Variants in FAM133A observed in about 807,000 individuals in gnomAD.
FAM133A encodes the protein protein FAM133A.
For synonymous variants in FAM133A, 65 were observed against 58.6 expected (o/e 1.11, Z -0.50); for missense variants, 159 against 164.4 (o/e 0.97, Z 0.18).
intron 2 of FAM133A, among the ~76,000 whole-genome samples, chrX:93,679,603 A>G (rs1182507184): frequency 9.0e-6 from 1 of 111,373 alleles, no homozygotes; most frequent in Non-Finnish European, 1.9e-5. Flanking sequence ...ATTTTGCCAT[A>G]TAACATGAAG....
chrX:93,690,095 G>A (rs1215497102), intron 2 of FAM133A, among the ~76,000 whole-genome samples: 2 of 110,554 alleles, frequency 1.8e-5, no homozygotes, highest in African/African-American at 6.6e-5. Context: ...GGTGTAAAGA[G>A]TGTTAGTATA....
At chrX:93,675,644 T>A (rs2147569383) in intron 2 of FAM133A, among the ~76,000 whole-genome samples, 1 of 111,604 alleles carries the variant, frequency 9.0e-6, no homozygotes, top group South Asian at 3.7e-4. Flanking sequence ...ATTATGAAAT[T>A]ATTATTGTAT....
intron 2 of FAM133A, among the ~76,000 whole-genome samples, chrX:93,681,170 A>G (rs1276023548): frequency 9.0e-6 from 1 of 111,028 alleles, no homozygotes; most frequent in Admixed American, 9.7e-5. Flanking sequence ...TTTACTATAA[A>G]GGAAGAAAAA....
chrX:93,685,691 C>T (rs763091690), intron 2 of FAM133A, among the ~76,000 whole-genome samples: 20 of 111,986 alleles, frequency 1.8e-4, no homozygotes, highest in Middle Eastern at 9.3e-3. Context: ...CACTGTCTTA[C>T]GTTCCAACCA....
intron 2 of FAM133A, among the ~76,000 whole-genome samples, chrX:93,688,173 A>T (rs1925663278): frequency 9.3e-6 from 1 of 107,618 alleles, no homozygotes; most frequent in Admixed American, 1.0e-4. Flanking sequence ...GCGGAGGGAT[A>T]TACACCAGGC....
Position 93,698,459 on chromosome X carries a change from T to A in FAM133A, c.-130T>A, listed in dbSNP as rs1460189917. On this transcript the variant is annotated 5_prime_UTR_variant, in exon 3 of 4. Transcript: ENST00000683942. ...GAAAAGGTGAGAGGAAAACCTAGAG[T>A]GTGTGTTATCCTGCAAGCCAATTGA... 1 of 110,496 alleles carries A rather than the reference T, an allele frequency of 9.1e-6. No homozygotes were observed. Among genetic ancestry groups the A allele is most frequent in the East Asian group, 2.9e-4 (1 of 3,490 alleles). 9.1% of individuals were successfully genotyped at this position (110,496 alleles called of 1,213,427 possible).
chrX:93,701,880 C>T (rs923378058), intron 3 of FAM133A, among the ~76,000 whole-genome samples: 1 of 110,914 alleles, frequency 9.0e-6, no homozygotes, highest in African/African-American at 3.3e-5. Flanking sequence ...CTCTGAGGGC[C>T]TTTACGCTTT....
chrX:93,689,621 C>T (rs2147612931), intron 2 of FAM133A, among the ~76,000 whole-genome samples: 1 of 109,166 alleles, frequency 9.2e-6, no homozygotes, highest in East Asian at 2.9e-4. Context: ...GTAGTGTACT[C>T]CATGGTTATT....
At chrX:93,690,708 A>T (rs748121622) in intron 2 of FAM133A, among the ~76,000 whole-genome samples, 8 of 111,837 alleles carry the variant, frequency 7.2e-5, no homozygotes, top group Non-Finnish European at 1.3e-4. Flanking sequence ...TTGTGTAGAC[A>T]AATGTTTTTG....
intron 2 of FAM133A, among the ~76,000 whole-genome samples, chrX:93,696,111 C>T (rs1926246821): frequency 9.0e-6 from 1 of 111,695 alleles, no homozygotes; most frequent in Non-Finnish European, 1.9e-5. Context: ...GAATTGGTAA[C>T]AGTCTAACCA....
At chrX:93,693,171 A>C in intron 2 of FAM133A, among the ~76,000 whole-genome samples, 1 of 111,563 alleles carries the variant, frequency 9.0e-6, no homozygotes, top group South Asian at 3.8e-4. Context: ...GGTCTTTCTG[A>C]CAAACTAATG....
intron 2 of FAM133A, among the ~76,000 whole-genome samples, chrX:93,676,809 TA>T (rs1924734858): frequency 9.0e-6 from 1 of 110,939 alleles, no homozygotes; most frequent in Non-Finnish European, 1.9e-5. Flanking sequence ...AATTTGGAAT[TA>T]TTTTTTCCAG....
At chrX:93,708,561 G>A (rs1471095670) in intron 3 of FAM133A, among the ~76,000 whole-genome samples, 10 of 111,677 alleles carry the variant, frequency 9.0e-5, no homozygotes. Context: ...GTTACTTCAT[G>A]TTCAAATTTT....
intron 2 of FAM133A, among the ~76,000 whole-genome samples, chrX:93,692,827 T>A (rs1602816335): frequency 8.9e-6 from 1 of 111,758 alleles, no homozygotes; most frequent in South Asian, 3.7e-4. Context: ...GTTGTCAGCA[T>A]TTCCTAGCAC....
rs778405212 is a variant in FAM133A, at chrX:93,710,118, T to C, written c.699T>C (p.His233=). Residue 233 remains histidine, a synonymous_variant, in exon 4 of 4, where the codon CAT becomes CAC. Coordinates refer to ENST00000683942, the MANE Select transcript of FAM133A (RefSeq NM_001171109.2). ...KKKKKKQHKK[H]SKKKKKKSGS... is the part of the protein sequence containing the mutation. ...AGAAGAAGAAACAGCACAAGAAACA[T>C]AGTAAGAAGAAGAAAAAGAAGTCTG... 1.4e-5 allele frequency: 16 copies of C among 1,183,889 alleles called. No individual in the cohort carries two copies. In the South Asian group the frequency reaches 2.9e-4, roughly 21 times the overall value.
chrX:93,681,287 G>GTCTATCTATCTATCTA (rs55666833), intron 2 of FAM133A, among the ~76,000 whole-genome samples: 2,054 of 104,775 alleles, frequency 0.02, 38 homozygotes, highest in African/African-American at 0.053. Context: ...GATATATTCT[G>GTCTATCTATCTATCTA]TCTATCTATC....
intron 2 of FAM133A, among the ~76,000 whole-genome samples, chrX:93,683,638 A>G (rs1003804388): frequency 6.3e-5 from 7 of 111,995 alleles, no homozygotes; most frequent in African/African-American, 1.9e-4. Context: ...CTTAAAGTGT[A>G]TAAGAGTTCC....
chrX:93,697,367 T>C (rs767415632), intron 2 of FAM133A, among the ~76,000 whole-genome samples: 1 of 110,301 alleles, frequency 9.1e-6, no homozygotes, highest in Non-Finnish European at 1.9e-5. Context: ...AAAAAGCATT[T>C]ATTTATGTGG....
At chrX:93,682,102 A>G (rs1411590824) in intron 2 of FAM133A, among the ~76,000 whole-genome samples, 1 of 111,780 alleles carries the variant, frequency 8.9e-6, no homozygotes, top group Non-Finnish European at 1.9e-5. Flanking sequence ...AAACCAGTGT[A>G]TAAGTACAAG....
Sources: allele counts gnomAD v4.1 joint callset (sites outside exome capture counted in the v4.1 genomes callset), GRCh38; gene constraint gnomAD v4.1.1; transcripts MANE v1.5; gene names NCBI Gene and HGNC (gene_info 2026-07-23, HGNC 2026-07-21).